Variants in SPTBN1 observed in about 807,000 individuals in gnomAD.
SPTBN1 encodes the protein spectrin beta chain, non-erythrocytic 1.
In SPTBN1, 32 loss-of-function variants were observed where a neutral mutation model predicts 266.4. The ratio of observed to expected loss-of-function variants is 0.12; its 90% CI spans 0.09 to 0.16. SPTBN1 has a LOEUF of 0.16. SPTBN1 is among the 10% of genes least tolerant of loss of function. SPTBN1 has a pLI of 1.00. For synonymous variants in SPTBN1, 1,336 were observed against 1,162.2 expected, an observed-to-expected ratio of 1.15 and a Z score of -3.04; for missense variants, 2,296 against 3,067.1, an observed-to-expected ratio of 0.75 and a Z score of 5.94.
intron 18 of SPTBN1, among the ~76,000 whole-genome samples, chr2:54,639,101 G>T (rs768491075): frequency 5.9e-5 from 9 of 152,342 alleles, no homozygotes; most frequent in Non-Finnish European, 1.0e-4. Flanking sequence ...GCTGAAGACA[G>T]GAGTGCCTCT....
intron 2 of SPTBN1, chr2:54,546,445 C>T (rs979106356): frequency 2.0e-5 from 3 of 152,178 alleles, no homozygotes; most frequent in Non-Finnish European, 4.4e-5. Context: ...TACACACACT[C>T]CTAAGTTGTG....
At chr2:54,550,596 C>G (rs1041954790) in intron 2 of SPTBN1, among the ~76,000 whole-genome samples, 5 of 152,178 alleles carry the variant, frequency 3.3e-5, no homozygotes, top group African/African-American at 1.2e-4. Context: ...CGAATAGGAA[C>G]AGAGAGTGTT....
In SPTBN1 at chr2:54,629,490, C is replaced by T; in HGVS notation, c.2356C>T (p.His786Tyr). The part of the protein sequence containing the change: ...EYSTQSLVKK[H>Y]KDVAEEIANY... ...TTCCACACAGTCTCTGGTCAAGAAA[C>T]ACAAGGACGTGGCGGAAGAGATCGC... Residue 786 changes from histidine (H) to tyrosine (Y), a missense_variant, in exon 14 of 36, where the codon CAC becomes TAC. By Grantham distance (83) the His-to-Tyr change is moderately conservative (BLOSUM62 2). Transcript: ENST00000356805. 1 of 1,614,156 alleles carries T rather than the reference C, an allele frequency of 6.2e-7. No individual in the cohort carries two copies.
chr2:54,541,231 A>G (rs1375454703), intron 2 of SPTBN1, among the ~76,000 whole-genome samples: 2 of 152,216 alleles, frequency 1.3e-5, no homozygotes, highest in African/African-American at 4.8e-5. Flanking sequence ...TCTACTATGA[A>G]CATACACACT....
At position 54,645,523 on chromosome 2, in the gene SPTBN1, C is replaced by A; in HGVS notation, c.4494+70C>A. On this transcript the variant is annotated intron_variant, in intron 21 of 35. Coordinates refer to ENST00000356805, the MANE Select transcript of SPTBN1 (RefSeq NM_003128.3). The surrounding 1 kb of genome is among the most constrained non-coding windows in gnomAD (Gnocchi z 4.3). The stretch of plus-strand genomic sequence containing the variant: ...TTGCCTGTGCTAAAGCCCACATTCT[C>A]ACTTCTCAGTCATCCTCACCTTGGG... 1 of 1,515,254 alleles carries A rather than the reference C, an allele frequency of 6.6e-7. No individual in the cohort carries two copies. 93.9% of individuals were successfully genotyped at this position (1,515,254 alleles called of 1,614,324 possible).
At position 54,533,037 on chromosome 2, in the gene SPTBN1, T is replaced by A. The variant is rs1309383159; in HGVS notation, c.148+6471T>A. Among the ~76,000 whole-genome samples, 1 of 151,874 alleles carries A rather than the reference T, an allele frequency of 6.6e-6. No homozygotes were observed. The highest frequency in any genetic ancestry group is 1.5e-5 in the Non-Finnish European group (1 of 67,956). On this transcript the variant is annotated intron_variant, in intron 2 of 35. Transcript: ENST00000356805. The surrounding 1 kb of genome is among the most constrained non-coding windows in gnomAD (Gnocchi z 4.2). The stretch of plus-strand genomic sequence containing the variant: ...ATTTGACAGTCGCTTCTTTTTAGCA[T>A]ATCTGAATTGCCAGCCCAGGGCCAT...
intron 8 of SPTBN1, 29 bp from the exon 9 acceptor site, chr2:54,622,270 CT>C: frequency 1.9e-6 from 3 of 1,577,904 alleles, no homozygotes; most frequent in Non-Finnish European, 1.7e-6. Flanking sequence ...GTGACATGAT[CT>C]TTTCAATTTT....
At chr2:54,519,733 C>T (rs1366524477) in intron 1 of SPTBN1, among the ~76,000 whole-genome samples, 4 of 152,000 alleles carry the variant, frequency 2.6e-5, no homozygotes, top group Admixed American at 6.6e-5. Flanking sequence ...TAGCACGGTC[C>T]CTCTGGTAGC....
intron 2 of SPTBN1, chr2:54,546,701 A>C (rs1672257147): frequency 6.6e-6 from 1 of 152,240 alleles, no homozygotes; most frequent in South Asian, 2.1e-4. Context: ...GGAAGGCAGT[A>C]CGTAATTTAT....
intron 19 of SPTBN1, 149 bp downstream of exon 19, chr2:54,643,278 C>T (rs746018331): frequency 6.6e-6 from 8 of 1,220,246 alleles, no homozygotes; most frequent in South Asian, 3.4e-5. Context: ...TTTGCACGTA[C>T]GGGTTCCTGA....
chr2:54,537,513 G>C (rs188267890), intron 2 of SPTBN1, among the ~76,000 whole-genome samples: 1 of 152,360 alleles, frequency 6.6e-6, no homozygotes, highest in Admixed American at 6.5e-5. Flanking sequence ...CTGACTGGCA[G>C]TTGGAGGATA....
intron 1 of SPTBN1, among the ~76,000 whole-genome samples, chr2:54,496,591 T>C (rs549645011): frequency 6.6e-6 from 1 of 152,348 alleles, no homozygotes; most frequent in East Asian, 1.9e-4. Flanking sequence ...GTTATTTTTC[T>C]GTTTAACAGA....
intron 1 of SPTBN1, among the ~76,000 whole-genome samples, chr2:54,484,814 C>A (rs571279442): frequency 6.6e-6 from 1 of 152,262 alleles, no homozygotes; most frequent in South Asian, 2.1e-4. Flanking sequence ...TGGCTCATTC[C>A]AGGCCTCAAG....
intron 3 of SPTBN1, among the ~76,000 whole-genome samples, chr2:54,605,442 ATTATAATGCAGGGTTACT>A (rs1676775424): frequency 1.3e-5 from 2 of 152,352 alleles, no homozygotes; most frequent in South Asian, 4.1e-4. Context: ...AATAGTAATT[ATTATAATGCAGGGTTACT>A]GTGAGGATTA....
At position 54,630,029 on chromosome 2, in the gene SPTBN1, G is replaced by A; in HGVS notation, c.2807G>A (p.Arg936Lys). Residue 936 changes from arginine (R) to lysine (K), a missense_variant and splice_region_variant, in exon 15 of 36, where the codon AGG (arginine) becomes AAG (lysine). Arg to Lys is a conservative substitution (Grantham distance 26). Coordinates refer to ENST00000356805, the MANE Select transcript of SPTBN1 (RefSeq NM_003128.3). ...IKAQQDKLNTRWSQFRELVDR... is the reference protein window; with the variant it reads ...IKAQQDKLNTKWSQFRELVDR... ...GCCCAGCAGGACAAACTCAACACAA[G>A]GTGAGCACGTGGCCAGCAGTGTGCC... 2 of 1,613,420 alleles carry A rather than the reference G, an allele frequency of 1.2e-6. No individual in the cohort carries two copies. Among genetic ancestry groups the A allele is most frequent in the South Asian group, 1.1e-5 (1 of 90,988 alleles).
rs768214982 is a variant in SPTBN1, at chr2:54,631,104, G to A, written c.3057G>A (p.Ala1019=). The change falls in exon 16 of 36, where the codon GCG becomes GCA. Residue 1019 remains alanine (A), a synonymous_variant. Coordinates refer to ENST00000356805, the MANE Select transcript of SPTBN1 (RefSeq NM_003128.3). ...EAKLSDLQKE[A]EKLESEHPDQ... ...AGCTGAGTGACCTGCAGAAGGAGGC[G>A]GAGAAGCTGGAGTCCGAGCACCCCG... is the stretch of plus-strand genomic sequence containing the variant. The A allele has an allele frequency of 1.7e-5, 27 of 1,614,066 alleles. No individual in the cohort carries two copies. The highest frequency in any genetic ancestry group is 1.3e-4 in the Admixed American group (8 of 60,010).
At chr2:54,457,529 C>G (rs4024576) in intron 1 of SPTBN1, among the ~76,000 whole-genome samples, 115,433 of 152,154 alleles carry the variant, frequency 0.76, 44,971 homozygotes, top group African/African-American at 0.93. Flanking sequence ...TTCGGCGGAG[C>G]AGAAAATTGA....
At chr2:54,536,637 G>T (rs1396540463) in intron 2 of SPTBN1, among the ~76,000 whole-genome samples, 1 of 152,192 alleles carries the variant, frequency 6.6e-6, no homozygotes, top group African/African-American at 2.4e-5. Context: ...AAAAAATCAT[G>T]CTTAGAAAAT....
At chr2:54,466,022 T>TA (rs1454975742) in intron 1 of SPTBN1, among the ~76,000 whole-genome samples, 3 of 152,230 alleles carry the variant, frequency 2.0e-5, no homozygotes, top group African/African-American at 7.2e-5. Context: ...AATAAGATGT[T>TA]ATCAAGATTG....
Sources: allele counts gnomAD v4.1 joint callset (sites outside exome capture counted in the v4.1 genomes callset), GRCh38; gene constraint gnomAD v4.1.1; non-coding constraint Gnocchi (gnomAD v3.1); transcripts MANE v1.5; gene names NCBI Gene and HGNC (gene_info 2026-07-23, HGNC 2026-07-21).